The following ADAMTS6 variants were observed in gnomAD, a reference collection of about 807,000 sequenced individuals.
The protein encoded by ADAMTS6 is A disintegrin and metalloproteinase with thrombospondin motifs 6.
A neutral mutation model predicts 144.3 loss-of-function variants in ADAMTS6; 23 were observed. That is an observed-to-expected ratio of 0.16 (90% CI 0.11 to 0.23). ADAMTS6 has a LOEUF of 0.23. Among genes scored for constraint, ADAMTS6 ranks in the 10% least tolerant of loss-of-function variants. ADAMTS6 has a pLI of 1.00. For synonymous variants in ADAMTS6, 444 were observed against 457.5 expected (o/e 0.97, Z 0.38); for missense variants, 999 against 1,379.6 (o/e 0.72, Z 4.37).
intron 7 of ADAMTS6, among the ~76,000 whole-genome samples, chr5:65,350,649 A>G (rs1199222950): frequency 6.6e-6 from 1 of 151,608 alleles, no homozygotes; most frequent in Non-Finnish European, 1.5e-5. Flanking sequence ...AGTTTCTAAC[A>G]TTTTTGGGGG....
chr5:65,313,169 AC>A, intron 9 of ADAMTS6, among the ~76,000 whole-genome samples: 1 of 147,376 alleles, frequency 6.8e-6, no homozygotes, highest in South Asian at 2.1e-4. Context: ...ACACACACAC[AC>A]ACACACACAG....
At chr5:65,460,431 C>G in intron 3 of ADAMTS6, 93 bp from the exon 4 acceptor site, 7 of 1,168,588 alleles carry the variant, frequency 6.0e-6, no homozygotes, top group African/African-American at 1.5e-5. Context: ...ATGGACACTT[C>G]TCCATTTACA....
At chr5:65,247,692 A>G (rs576292793) in intron 14 of ADAMTS6, among the ~76,000 whole-genome samples, 3 of 152,208 alleles carry the variant, frequency 2.0e-5, no homozygotes, top group Admixed American at 6.5e-5. Flanking sequence ...CCTCCTCTAA[A>G]GGAAGATATG....
At chr5:65,355,989 G>A (rs567287491) in intron 7 of ADAMTS6, among the ~76,000 whole-genome samples, 9 of 151,668 alleles carry the variant, frequency 5.9e-5, no homozygotes, top group African/African-American at 2.2e-4. Flanking sequence ...TGCGCTCCTA[G>A]CTCAAACACA....
intron 14 of ADAMTS6, among the ~76,000 whole-genome samples, chr5:65,248,459 A>C (rs1219694110): frequency 6.6e-6 from 1 of 152,090 alleles, no homozygotes; most frequent in East Asian, 1.9e-4. Context: ...AATTTAATTA[A>C]AATGCCATCT....
intron 7 of ADAMTS6, among the ~76,000 whole-genome samples, chr5:65,351,602 T>C (rs138486147): frequency 3.9e-5 from 6 of 152,290 alleles, no homozygotes; most frequent in Admixed American, 1.3e-4. Flanking sequence ...TGTGGAGCTA[T>C]GCCAGATAAA....
intron 15 of ADAMTS6, among the ~76,000 whole-genome samples, chr5:65,230,974 A>G (rs954652420): frequency 1.3e-5 from 2 of 150,010 alleles, no homozygotes; most frequent in African/African-American, 4.9e-5. Flanking sequence ...AAATAAAGGA[A>G]CAAAAAAAGT....
intron 15 of ADAMTS6, among the ~76,000 whole-genome samples, chr5:65,234,151 T>C (rs1292568173): frequency 3.4e-5 from 5 of 145,548 alleles, no homozygotes; most frequent in Non-Finnish European, 7.6e-5. Flanking sequence ...TCAACTGAAA[T>C]GGGATTAAAG....
intron 11 of ADAMTS6, among the ~76,000 whole-genome samples, chr5:65,282,859 AGAAG>A (rs1201286326): frequency 3.3e-5 from 5 of 152,128 alleles, no homozygotes; most frequent in African/African-American, 1.2e-4. Flanking sequence ...ACCTTGGCCA[AGAAG>A]GAAGGTGGGG....
intron 18 of ADAMTS6, 76 bp from the exon 19 acceptor site, chr5:65,215,563 A>G (rs2112334531): frequency 7.7e-7 from 1 of 1,302,864 alleles, no homozygotes; most frequent in Non-Finnish European, 1.1e-6. Context: ...TTACTGCAAT[A>G]AAGTATACAA....
At chr5:65,169,522 C>A (rs1196086341) in intron 24 of ADAMTS6, among the ~76,000 whole-genome samples, 1 of 135,098 alleles carries the variant, frequency 7.4e-6, no homozygotes, top group Non-Finnish European at 1.6e-5. Flanking sequence ...TTGACCCAGC[C>A]ATCCCATTAC....
intron 14 of ADAMTS6, among the ~76,000 whole-genome samples, chr5:65,259,806 C>G (rs1157382913): frequency 2.0e-5 from 3 of 152,072 alleles, no homozygotes; most frequent in African/African-American, 4.8e-5. Flanking sequence ...GAACAATCAT[C>G]TGCATATTTA....
chr5:65,327,094 G>A (rs1216909575), intron 9 of ADAMTS6, among the ~76,000 whole-genome samples: 1 of 152,082 alleles, frequency 6.6e-6, no homozygotes, highest in Non-Finnish European at 1.5e-5. Context: ...ATGAATTCTT[G>A]CTCTATGAGT....
At chr5:65,172,706 C>T in intron 23 of ADAMTS6, 126 bp downstream of exon 23, 3 of 1,134,840 alleles carry the variant, frequency 2.6e-6, no homozygotes, top group South Asian at 1.6e-5. Flanking sequence ...ACTCATGCCT[C>T]ATACTTAGAC....
intron 11 of ADAMTS6, among the ~76,000 whole-genome samples, chr5:65,280,973 C>G (rs1323194753): frequency 6.6e-6 from 1 of 152,138 alleles, no homozygotes; most frequent in Non-Finnish European, 1.5e-5. Flanking sequence ...GTAGATACTT[C>G]AGCACATATT....
intron 15 of ADAMTS6, among the ~76,000 whole-genome samples, chr5:65,229,448 T>C (rs1234685922): frequency 2.6e-5 from 4 of 151,982 alleles, no homozygotes; most frequent in Admixed American, 6.6e-5. Flanking sequence ...AATATTCCAA[T>C]AACCAACCCC....
intron 7 of ADAMTS6, among the ~76,000 whole-genome samples, chr5:65,367,661 G>A (rs1199138263): frequency 6.6e-6 from 1 of 152,102 alleles, no homozygotes; most frequent in Admixed American, 6.6e-5. Context: ...TTCCCATGCA[G>A]CTGGTTGAGG....
At position 65,417,236 on chromosome 5, in the gene ADAMTS6, A is replaced by G. The variant is rs554417505; in HGVS notation, c.1073+34239T>C. ...CATTGAAGGAATAAATCTCAAAATA[A>G]TAAGAGCCATCTATGACAAACCCAC... On this transcript the variant is annotated intron_variant, in intron 7 of 24. Coordinates refer to ENST00000381055, the MANE Select transcript of ADAMTS6 (RefSeq NM_197941.4). 3.9e-5 allele frequency among the ~76,000 whole-genome samples: 6 copies of G among 152,312 alleles called. No individual in the cohort carries two copies. In the East Asian group the frequency reaches 1.2e-3, roughly 29 times the overall value.
At chr5:65,222,111 G>T (rs1561295174) in intron 18 of ADAMTS6, among the ~76,000 whole-genome samples, 1 of 152,080 alleles carries the variant, frequency 6.6e-6, no homozygotes, top group Non-Finnish European at 1.5e-5. Flanking sequence ...TGTCTCAATT[G>T]ACAAGTTCAT....
Sources: allele counts gnomAD v4.1 joint callset (sites outside exome capture counted in the v4.1 genomes callset), GRCh38; gene constraint gnomAD v4.1.1; transcripts MANE v1.5; gene names NCBI Gene and HGNC (gene_info 2026-07-23, HGNC 2026-07-21).